The following HAT1 variants were observed in gnomAD, a reference collection of about 807,000 sequenced individuals.
HAT1 encodes the protein histone acetyltransferase 1.
A neutral mutation model predicts 56.6 loss-of-function variants in HAT1; 20 were observed. That is an observed-to-expected ratio of 0.35 (90% CI 0.25 to 0.51). HAT1 has a LOEUF of 0.51. Among genes scored for constraint, HAT1 ranks in the 20% least tolerant of loss-of-function variants. The probability of loss-of-function intolerance (pLI) is 0.95; values close to 1 mark genes in which losing one functional copy is unlikely to be tolerated. For missense variants in HAT1, 408 were observed against 504.3 expected, an observed-to-expected ratio of 0.81 and a Z score of 1.83; for synonymous variants, 146 against 165.5, an observed-to-expected ratio of 0.88 and a Z score of 0.91.
intron 2 of HAT1, among the ~76,000 whole-genome samples, chr2:171,938,523 T>C (rs1686934646): frequency 6.6e-6 from 1 of 152,190 alleles, no homozygotes; most frequent in South Asian, 2.1e-4. Flanking sequence ...AACTAGACAG[T>C]TCCATCTGGG....
chr2:171,950,731 T>C (rs1365787962), intron 3 of HAT1, among the ~76,000 whole-genome samples: 2 of 151,720 alleles, frequency 1.3e-5, no homozygotes, highest in African/African-American at 2.4e-5. Context: ...CTTGAACTCC[T>C]GACCTCAGGT....
At chr2:171,950,589 C>T (rs1048961725) in intron 3 of HAT1, among the ~76,000 whole-genome samples, 4 of 152,130 alleles carry the variant, frequency 2.6e-5, no homozygotes, top group East Asian at 3.9e-4. Context: ...CTGCAACCTC[C>T]GCCTCTCAGG....
At chr2:171,949,705 TGGG>T (rs1359592685) in intron 3 of HAT1, among the ~76,000 whole-genome samples, 1 of 151,472 alleles carries the variant, frequency 6.6e-6, no homozygotes, top group Non-Finnish European at 1.5e-5. Flanking sequence ...TTTTAAGAGA[TGGG>T]GGTCTTCCTA....
rs142923920 is a variant in HAT1, at chr2:171,966,448, G to A, written c.651G>A (p.Ala217=). ...KYNKDGATLF[A]TVGYMTVYNY... is the part of the protein sequence containing the mutation. The stretch of plus-strand genomic sequence containing the variant: ...ATAAGGATGGAGCTACGCTCTTTGC[G>A]ACCGTAGGCTACATGACAGTCTATA... Residue 217 remains alanine, a synonymous_variant, in exon 7 of 11, where the codon GCG becomes GCA. Transcript: ENST00000264108. 44 of 1,603,256 alleles carry A rather than the reference G, an allele frequency of 2.7e-5. No individual in the cohort carries two copies. Among genetic ancestry groups the A allele is most frequent in the South Asian group, 2.6e-4 (24 of 90,872 alleles).
intron 4 of HAT1, among the ~76,000 whole-genome samples, chr2:171,957,583 G>T (rs80171643): frequency 0.013 from 2,042 of 152,256 alleles, 44 homozygotes; most frequent in African/African-American, 0.045. Context: ...TTGGGCTTGA[G>T]TTGATATGGT....
chr2:171,971,173 G>A (rs987923921), intron 8 of HAT1, among the ~76,000 whole-genome samples: 6 of 152,282 alleles, frequency 3.9e-5, no homozygotes, highest in Admixed American at 2.0e-4. Context: ...ACTCCAGCCC[G>A]GGTGACAGAG....
chr2:171,938,748 T>A (rs759162061), intron 2 of HAT1, among the ~76,000 whole-genome samples: 8 of 148,526 alleles, frequency 5.4e-5, no homozygotes, highest in Non-Finnish European at 9.0e-5. Context: ...TGAAACATAT[T>A]TTTTTTTTTT....
intron 3 of HAT1, among the ~76,000 whole-genome samples, chr2:171,951,362 A>G (rs1204827245): frequency 6.6e-6 from 1 of 152,158 alleles, no homozygotes; most frequent in Non-Finnish European, 1.5e-5. Context: ...TCTACTTTTT[A>G]CTACTTTAAA....
chr2:171,955,105 T>C (rs998201283), intron 4 of HAT1, among the ~76,000 whole-genome samples: 2 of 152,160 alleles, frequency 1.3e-5, no homozygotes, highest in Non-Finnish European at 2.9e-5. Context: ...GAATAAATAT[T>C]GTTTTAAGCC....
At position 171,943,726 on chromosome 2, in the gene HAT1, C is replaced by CATATATAT. The variant is rs141557606; in HGVS notation, c.113-2965_113-2958dup. Among the ~76,000 whole-genome samples the CATATATAT allele has an allele frequency of 5.2e-3, 743 of 142,988 alleles. 6 individuals are homozygous for CATATATAT. Among genetic ancestry groups the CATATATAT allele is most frequent in the East Asian group, 8.8e-3 (43 of 4,862 alleles). 93.8% of individuals were successfully genotyped at this position (142,988 alleles called of 152,430 possible). The stretch of plus-strand genomic sequence containing the variant: ...GTATATCTCCTAATATATGGACATT[C>CATATATAT]ATATATATATATATATATATATATG... On this transcript the variant is annotated intron_variant, in intron 2 of 10. Coordinates refer to ENST00000264108, the MANE Select transcript of HAT1 (RefSeq NM_003642.4).
At chr2:171,978,657 G>A (rs1182429727) in intron 9 of HAT1, among the ~76,000 whole-genome samples, 3 of 152,054 alleles carry the variant, frequency 2.0e-5, no homozygotes, top group South Asian at 2.1e-4. Flanking sequence ...TGCCCTCATC[G>A]TTTTTTATGT....
chr2:171,940,743 G>C (rs901521263), intron 2 of HAT1, among the ~76,000 whole-genome samples: 6 of 152,118 alleles, frequency 3.9e-5, no homozygotes, highest in South Asian at 2.1e-4. Flanking sequence ...TGGATAGCTG[G>C]TCACCATGTA....
intron 4 of HAT1, among the ~76,000 whole-genome samples, chr2:171,963,274 C>T (rs918821553): frequency 4.0e-5 from 6 of 150,948 alleles, no homozygotes; most frequent in Non-Finnish European, 5.9e-5. Flanking sequence ...CCCTTTGCCC[C>T]GTAAAAATTC....
chr2:171,954,001 AT>A (rs1021661467), intron 4 of HAT1, among the ~76,000 whole-genome samples: 6 of 152,134 alleles, frequency 3.9e-5, no homozygotes, highest in Non-Finnish European at 7.4e-5. Flanking sequence ...TCAAAAAAAA[AT>A]TAATTAATTA....
intron 2 of HAT1, among the ~76,000 whole-genome samples, chr2:171,939,807 T>C (rs1293684002): frequency 3.3e-5 from 5 of 152,122 alleles, no homozygotes; most frequent in Non-Finnish European, 5.9e-5. Flanking sequence ...TTTTTTTTTT[T>C]TTTAAGACAG....
At chr2:171,934,772 T>TTTTA (rs1686827220) in intron 2 of HAT1, among the ~76,000 whole-genome samples, 2 of 147,188 alleles carry the variant, frequency 1.4e-5, no homozygotes, top group Non-Finnish European at 1.5e-5. Flanking sequence ...TTTTTTTTTT[T>TTTTA]GAGACAGAAT....
chr2:171,926,489 C>T (rs188526125), intron 2 of HAT1, among the ~76,000 whole-genome samples: 13 of 152,028 alleles, frequency 8.6e-5, no homozygotes, highest in Non-Finnish European at 1.6e-4. Flanking sequence ...GAGACGGTTT[C>T]TCCATGTTGG....
intron 10 of HAT1, among the ~76,000 whole-genome samples, chr2:171,982,915 A>AG (rs1268268873): frequency 1.3e-5 from 2 of 152,092 alleles, no homozygotes; most frequent in Non-Finnish European, 2.9e-5. Flanking sequence ...AAAGTTTTGG[A>AG]GGGGGCTGCT....
intron 9 of HAT1, among the ~76,000 whole-genome samples, chr2:171,977,730 ATCT>A (rs1371562918): frequency 2.0e-5 from 3 of 151,202 alleles, no homozygotes; most frequent in East Asian, 2.0e-4. Flanking sequence ...GGCTTTACTC[ATCT>A]TCTAGCCATT....
Sources: allele counts gnomAD v4.1 joint callset (sites outside exome capture counted in the v4.1 genomes callset), GRCh38; gene constraint gnomAD v4.1.1; transcripts MANE v1.5; gene names NCBI Gene and HGNC (gene_info 2026-07-23, HGNC 2026-07-21).